KCNH5: variants seen among roughly 807,000 people sequenced by gnomAD.
KCNH5 encodes the protein potassium voltage-gated channel subfamily H member 5, also known as voltage-gated delayed rectifier potassium channel KCNH5.
KCNH5 carries 46 observed loss-of-function variants against 96.1 expected under a neutral mutation model. The ratio of observed to expected loss-of-function variants is 0.48; its 90% CI spans 0.38 to 0.61. The LOEUF (loss-of-function observed/expected upper bound fraction) is 0.61. Ranked by LOEUF, KCNH5 falls within the 20% of genes least tolerant of loss-of-function variation. The pLI, the probability that KCNH5 is intolerant of heterozygous loss-of-function variation, is 0.00. For missense variants in KCNH5, 907 were observed against 1,225.8 expected (o/e 0.74, Z 3.88); for synonymous variants, 439 against 449.8 (o/e 0.98, Z 0.30).
intron 3 of KCNH5, among the ~76,000 whole-genome samples, chr14:63,003,624 A>ATATATATTT (rs1491457497): frequency 1.1e-5 from 1 of 92,854 alleles, no homozygotes; most frequent in East Asian, 4.1e-4. Context: ...ATATATATAT[A>ATATATATTT]TTTTTTTTTT....
chr14:62,726,973 T>C (rs930371322), intron 10 of KCNH5, among the ~76,000 whole-genome samples: 1 of 152,118 alleles, frequency 6.6e-6, no homozygotes, highest in East Asian at 1.9e-4. Context: ...AAAATAACAT[T>C]GAGTGAAAGG....
intron 7 of KCNH5, among the ~76,000 whole-genome samples, chr14:62,880,332 A>G (rs1051828716): frequency 6.6e-6 from 1 of 152,250 alleles, no homozygotes; most frequent in African/African-American, 2.4e-5. Flanking sequence ...GCTCAATTCC[A>G]TATACCACTG....
intron 10 of KCNH5, among the ~76,000 whole-genome samples, chr14:62,728,485 TG>T (rs1884983953): frequency 6.6e-6 from 1 of 152,106 alleles, no homozygotes; most frequent in Non-Finnish European, 1.5e-5. Flanking sequence ...AGATTATTAA[TG>T]GCTCAAAACA....
intron 6 of KCNH5, among the ~76,000 whole-genome samples, chr14:62,951,832 G>A (rs1473899466): frequency 6.6e-6 from 1 of 151,958 alleles, no homozygotes; most frequent in Non-Finnish European, 1.5e-5. Context: ...GCATGGTGGT[G>A]GGTGCCTATA....
intron 2 of KCNH5, among the ~76,000 whole-genome samples, chr14:63,013,712 G>T (rs1891272193): frequency 6.6e-6 from 1 of 151,954 alleles, no homozygotes; most frequent in South Asian, 2.1e-4. Context: ...TGCTTGGGGG[G>T]TGCTTTTGGG....
chr14:62,899,216 A>G (rs1396395476), intron 7 of KCNH5, among the ~76,000 whole-genome samples: 1 of 152,176 alleles, frequency 6.6e-6, no homozygotes, highest in Non-Finnish European at 1.5e-5. Context: ...ACATTTGTAT[A>G]ATAACTTACT....
At chr14:62,993,033 G>C (rs557933983) in intron 4 of KCNH5, among the ~76,000 whole-genome samples, 6 of 152,038 alleles carry the variant, frequency 3.9e-5, no homozygotes, top group African/African-American at 1.4e-4. Context: ...TCTGCATATG[G>C]CAATCCAATT....
intron 3 of KCNH5, among the ~76,000 whole-genome samples, chr14:63,003,583 A>AATATATATATTTATATATATATATTT (rs1566536965): frequency 1.6e-5 from 2 of 121,526 alleles, no homozygotes; most frequent in Non-Finnish European, 3.3e-5. Context: ...TTATATACAT[A>AATATATATATTTATATATATATATTT]ATATATATAT....
intron 7 of KCNH5, among the ~76,000 whole-genome samples, chr14:62,865,458 G>C (rs1025357291): frequency 4.6e-5 from 7 of 151,990 alleles, no homozygotes; most frequent in African/African-American, 1.7e-4. Context: ...AAGAAATGAA[G>C]ATAATCTGGA....
intron 7 of KCNH5, among the ~76,000 whole-genome samples, chr14:62,864,788 A>G (rs1476571379): frequency 6.6e-6 from 1 of 152,172 alleles, no homozygotes; most frequent in East Asian, 1.9e-4. Flanking sequence ...GTAAGACACC[A>G]TTTTTCATGC....
chr14:62,827,385 A>C (rs1277698337), intron 8 of KCNH5, among the ~76,000 whole-genome samples: 2 of 152,150 alleles, frequency 1.3e-5, no homozygotes. Flanking sequence ...AATAATCTCC[A>C]TTTTTAACAA....
At chr14:62,905,898 C>T (rs1168395431) in intron 7 of KCNH5, among the ~76,000 whole-genome samples, 1 of 152,234 alleles carries the variant, frequency 6.6e-6, no homozygotes, top group East Asian at 1.9e-4. Context: ...ACCAGGCCCA[C>T]TTCACATCCA....
chr14:62,710,035 A>G (rs1328418110), intron 10 of KCNH5, among the ~76,000 whole-genome samples: 1 of 152,000 alleles, frequency 6.6e-6, no homozygotes, highest in African/African-American at 2.4e-5. Flanking sequence ...CTCTCCTTGA[A>G]CTCTCATAAA....
intron 10 of KCNH5, among the ~76,000 whole-genome samples, chr14:62,714,731 CCTTA>C (rs1277563217): frequency 1.3e-5 from 2 of 152,052 alleles, no homozygotes; most frequent in Non-Finnish European, 2.9e-5. Flanking sequence ...AAATATATAT[CCTTA>C]CTTATCAATG....
At position 62,779,745 on chromosome 14, in the gene KCNH5, A is replaced by C; in HGVS notation, c.2002T>G (p.Cys668Gly). 1.2e-6 allele frequency: 2 copies of C among 1,613,562 alleles called. No individual in the cohort carries two copies. Among genetic ancestry groups the C allele is most frequent in the Non-Finnish European group, 1.7e-6 (2 of 1,179,710 alleles). Residue 668 changes from cysteine (C) to glycine (G), a missense_variant, in exon 10 of 11, where the codon TGC becomes GGC. By Grantham distance (159) the Cys-to-Gly change is radical (BLOSUM62 -3). Transcript: ENST00000322893. ...NSFSRNLTLT[C>G]NLRKRIIFRK... Reference sequence around the variant, plus strand: ...GAACATACCCGTTTCCTCAGATTGCAAGTAAGAGTGAGATTCCTTGAGAAG... The same window carrying C: ...GAACATACCCGTTTCCTCAGATTGCCAGTAAGAGTGAGATTCCTTGAGAAG...
At chr14:62,726,232 T>C (rs1247040307) in intron 10 of KCNH5, among the ~76,000 whole-genome samples, 1 of 152,126 alleles carries the variant, frequency 6.6e-6, no homozygotes, top group African/African-American at 2.4e-5. Flanking sequence ...CTTCATAATG[T>C]TGGGATACGA....
intron 7 of KCNH5, among the ~76,000 whole-genome samples, chr14:62,878,996 T>G (rs537332753): frequency 6.6e-6 from 1 of 152,246 alleles, no homozygotes; most frequent in Admixed American, 6.5e-5. Flanking sequence ...TTTGAGGTAC[T>G]GGGAACTTCG....
chr14:62,916,693 C>G (rs1889281345), intron 7 of KCNH5, among the ~76,000 whole-genome samples: 1 of 151,690 alleles, frequency 6.6e-6, no homozygotes, highest in African/African-American at 2.4e-5. Flanking sequence ...CAGAGGGGCT[C>G]TGAGACTGCA....
At chr14:62,893,422 T>A (rs987844192) in intron 7 of KCNH5, among the ~76,000 whole-genome samples, 1 of 152,232 alleles carries the variant, frequency 6.6e-6, no homozygotes, top group Non-Finnish European at 1.5e-5. Flanking sequence ...CTGGTGAAGA[T>A]ACTATGAACA....
Sources: allele counts gnomAD v4.1 joint callset (sites outside exome capture counted in the v4.1 genomes callset), GRCh38; gene constraint gnomAD v4.1.1; transcripts MANE v1.5; gene names NCBI Gene and HGNC (gene_info 2026-07-23, HGNC 2026-07-21).